Variants in NAT10 observed in about 807,000 individuals in gnomAD.
NAT10 encodes N-acetyltransferase 10.
NAT10 carries 109 observed loss-of-function variants against 132.2 expected under a neutral mutation model. The observed-to-expected ratio is 0.82, with a 90% CI of 0.71 to 0.97. The LOEUF is 0.97. Among genes scored for constraint, NAT10 ranks in the 50% least tolerant of loss-of-function variants. The pLI, the probability that NAT10 is intolerant of heterozygous loss-of-function variation, is 0.00. For synonymous variants in NAT10, 479 were observed against 478.0 expected, an observed-to-expected ratio of 1.00 and a Z score of -0.03; for missense variants, 1,184 against 1,263.4, an observed-to-expected ratio of 0.94 and a Z score of 0.95.
chr11:34,139,231 C>A lies in NAT10; in HGVS notation c.2252C>A (p.Thr751Lys), dbSNP rs137942423. Residue 751 changes from threonine (T) to lysine (K), a missense_variant, in exon 22 of 29, where the codon ACG becomes AAG. Coordinates refer to ENST00000257829, the MANE Select transcript of NAT10 (RefSeq NM_024662.3). ...GAGCACTCGTGCATCATGCTGAAGA[C>A]GCTCACTGATGAGGATGAGGCTGAC... is the stretch of plus-strand genomic sequence containing the variant. ...TGEHSCIMLKTLTDEDEADQG... is the reference protein window; with the variant it reads ...TGEHSCIMLKKLTDEDEADQG... 4 of 1,614,032 alleles carry A rather than the reference C, an allele frequency of 2.5e-6. No individual in the cohort carries two copies. The highest frequency in any genetic ancestry group is 3.4e-6 in the Non-Finnish European group (4 of 1,180,010).
chr11:34,122,102 G>A (rs1484696355), intron 8 of NAT10, among the ~76,000 whole-genome samples: 1 of 152,132 alleles, frequency 6.6e-6, no homozygotes. Flanking sequence ...CTTGAACCTG[G>A]GAGGTGGAGG....
intron 19 of NAT10, among the ~76,000 whole-genome samples, chr11:34,135,607 C>T (rs774013737): frequency 2.6e-5 from 4 of 152,174 alleles, no homozygotes; most frequent in African/African-American, 9.7e-5. Context: ...AATCACTGCT[C>T]TATAATCTCT....
chr11:34,118,147 C>T, intron 6 of NAT10, 33 bp from the exon 7 acceptor site: 1 of 1,544,172 alleles, frequency 6.5e-7, no homozygotes, highest in Non-Finnish European at 9.0e-7. Context: ...CATGCCCTCC[C>T]CAACACTTCA....
chr11:34,142,280 A>G lies in NAT10; in HGVS notation c.2817A>G (p.Glu939=), dbSNP rs1185238155. 1.9e-6 allele frequency: 3 copies of G among 1,614,024 alleles called. No individual in the cohort carries two copies. The East Asian group carries it at 6.7e-5, about 36-fold the overall frequency. ...TMKTLSDDLD[E]AAKEFQEKHK... ...TTATGGGTCCTTAACCACAGGATGA[A>G]GCAGCAAAGGAATTTCAGGAGAAAC... Residue 939 remains glutamate (E), a synonymous_variant, in exon 27 of 29, where the codon GAA becomes GAG. Transcript: ENST00000257829.
chr11:34,138,735 G>T, intron 21 of NAT10: 1 of 170,422 alleles, frequency 5.9e-6, no homozygotes. Flanking sequence ...AACACCTAAA[G>T]AAGCCTGCAC....
intron 21 of NAT10, among the ~76,000 whole-genome samples, chr11:34,137,996 AG>A (rs935835732): frequency 6.6e-6 from 1 of 152,206 alleles, no homozygotes; most frequent in Non-Finnish European, 1.5e-5. Context: ...AAGAACTAGA[AG>A]GGGAACAGGC....
chr11:34,116,494 C>T (rs183002810), intron 6 of NAT10, among the ~76,000 whole-genome samples: 1 of 152,226 alleles, frequency 6.6e-6, no homozygotes, highest in Admixed American at 6.5e-5. Context: ...TTTTGGCTCA[C>T]TGCAACCTTT....
chr11:34,130,401 A>AT (rs1179618114), intron 12 of NAT10, among the ~76,000 whole-genome samples: 14 of 152,188 alleles, frequency 9.2e-5, no homozygotes, highest in African/African-American at 3.4e-4. Flanking sequence ...TTAGTTGACC[A>AT]TTTAACTTTG....
rs1489170406 is a variant in NAT10, at chr11:34,139,411, C to T, written c.2335C>T (p.Leu779Phe). ...KDFRRRFLAL[L>F]SYQFSTFSPS... ...TTTCCGACGGCGGTTCCTAGCCTTG[C>T]TCTCCTACCAGTTCAGTACCTTCTC... The change falls in exon 23 of 29, where the codon CTC (leucine) becomes TTC (phenylalanine). Residue 779 changes from leucine to phenylalanine, a missense_variant. Physicochemically the swap from Leu to Phe is conservative, Grantham distance 22 (BLOSUM62 0). Coordinates refer to ENST00000257829, the MANE Select transcript of NAT10 (RefSeq NM_024662.3). The T allele has an allele frequency of 3.1e-6, 5 of 1,614,060 alleles. No individual in the cohort carries two copies. Among genetic ancestry groups the T allele is most frequent in the Middle Eastern group, 1.6e-4 (1 of 6,084 alleles).
intron 16 of NAT10, among the ~76,000 whole-genome samples, chr11:34,134,014 A>T (rs1012103456): frequency 1.3e-5 from 2 of 151,964 alleles, no homozygotes; most frequent in Admixed American, 1.3e-4. Flanking sequence ...AATACAAAAA[A>T]TAAGCCGGGT....
chr11:34,131,606 T>G, intron 14 of NAT10, 75 bp downstream of exon 14: 1 of 1,453,074 alleles, frequency 6.9e-7, no homozygotes. Context: ...CTTGAGTCCT[T>G]TGTTTCATAG....
intron 10 of NAT10, 126 bp downstream of exon 10, chr11:34,123,981 C>G (rs1851941399): frequency 1.4e-6 from 1 of 693,044 alleles, no homozygotes; most frequent in South Asian, 1.7e-5. Context: ...ACCAGCCTGA[C>G]CAACATAGAG....
chr11:34,131,616 G>A (rs1430954322), intron 14 of NAT10, 85 bp downstream of exon 14: 2 of 1,391,856 alleles, frequency 1.4e-6, no homozygotes, highest in East Asian at 2.4e-5. Context: ...TTGTTTCATA[G>A]GATGCTGCTC....
chr11:34,123,758 G>C lies in NAT10; in HGVS notation c.915-4G>C. 6.4e-7 allele frequency: 1 copy of C among 1,566,380 alleles called. No homozygotes were observed. Among genetic ancestry groups the C allele is most frequent in the Admixed American group, 1.7e-5 (1 of 59,716 alleles). ...AAAAATCCTTCTTTTATTTTGTTCT[G>C]TAGGTACTCCAATATCTTTGTTACC... is the stretch of plus-strand genomic sequence containing the variant. On this transcript the variant is annotated splice_polypyrimidine_tract_variant and splice_region_variant and intron_variant, in intron 9 of 28. Coordinates refer to ENST00000257829, the MANE Select transcript of NAT10 (RefSeq NM_024662.3).
chr11:34,115,810 C>G lies in NAT10; in HGVS notation c.496-13C>G, dbSNP rs770889199. The G allele has an allele frequency of 1.9e-6, 3 of 1,613,752 alleles. No individual in the cohort carries two copies. Among genetic ancestry groups the G allele is most frequent in the Admixed American group, 1.7e-5 (1 of 59,958 alleles). ...GCATGCCTTTGTTAATGGATGTTGT[C>G]TTTCTTTGTTAGGATGTGCATTCCA... On this transcript the variant is annotated splice_polypyrimidine_tract_variant and intron_variant, in intron 5 of 28. Transcript: ENST00000257829.
chr11:34,137,224 G>A (rs796412324), intron 21 of NAT10, among the ~76,000 whole-genome samples, 198 bp downstream of exon 21: 28 of 152,268 alleles, frequency 1.8e-4, no homozygotes, highest in African/African-American at 6.3e-4. Flanking sequence ...TTTCTTCTCC[G>A]ACTACACGGT....
chr11:34,108,513 G>T (rs1851635449), intron 2 of NAT10, among the ~76,000 whole-genome samples, 180 bp downstream of exon 2: 1 of 152,066 alleles, frequency 6.6e-6, no homozygotes, highest in African/African-American at 2.4e-5. Flanking sequence ...AGATTGATTC[G>T]CAGACAAGCT....
chr11:34,134,922 A>G (rs1454967485), intron 18 of NAT10, among the ~76,000 whole-genome samples: 1 of 152,254 alleles, frequency 6.6e-6, no homozygotes, highest in Non-Finnish European at 1.5e-5. Context: ...TCTGGAGACC[A>G]GAAAGCACAG....
intron 12 of NAT10, 151 bp from the exon 13 acceptor site, chr11:34,130,662 C>T (rs929621201): frequency 2.9e-6 from 3 of 1,022,978 alleles, no homozygotes; most frequent in Non-Finnish European, 4.3e-6. Flanking sequence ...TGGACAGGTG[C>T]CTGCTATGCT....
Sources: allele counts gnomAD v4.1 joint callset (sites outside exome capture counted in the v4.1 genomes callset), GRCh38; gene constraint gnomAD v4.1.1; transcripts MANE v1.5; gene names NCBI Gene and HGNC (gene_info 2026-07-23, HGNC 2026-07-21).